Variants in ZBBX observed in about 807,000 individuals in gnomAD.
ZBBX encodes the protein zinc finger B-box domain-containing protein 1.
Under a neutral mutation model 108.5 loss-of-function variants are expected in ZBBX, and 101 were observed. The ratio of observed to expected loss-of-function variants is 0.93; its 90% CI spans 0.79 to 1.10. ZBBX has a LOEUF of 1.10. Among genes scored for constraint, ZBBX ranks in the 50% least tolerant of loss-of-function variants. ZBBX has a pLI of 0.00. For missense variants in ZBBX, 1,009 were observed against 941.4 expected, an observed-to-expected ratio of 1.07 and a Z score of -0.94; for synonymous variants, 356 against 323.4, an observed-to-expected ratio of 1.10 and a Z score of -1.08.
intron 1 of ZBBX, among the ~76,000 whole-genome samples, chr3:167,397,771 A>C (rs903751803): frequency 6.6e-6 from 1 of 151,890 alleles, no homozygotes; most frequent in Non-Finnish European, 1.5e-5. Flanking sequence ...TTCAAAAGGA[A>C]AAATGTCCTG....
At chr3:167,191,376 G>T in the ZBBX span, among the ~76,000 whole-genome samples, 4 of 152,220 alleles carry the variant, frequency 2.6e-5, no homozygotes, top group East Asian at 7.7e-4. Context: ...TCTTTTCTCT[G>T]ATACGGTTTG....
At chr3:167,201,272 T>C in the ZBBX span, among the ~76,000 whole-genome samples, 1 of 152,086 alleles carries the variant, frequency 6.6e-6, no homozygotes, top group South Asian at 2.1e-4. Flanking sequence ...TAGGTAGGAG[T>C]AGATTGAGAA....
chr3:167,272,835 G>C (rs1237522501), intron 20 of ZBBX, among the ~76,000 whole-genome samples: 1 of 152,144 alleles, frequency 6.6e-6, no homozygotes, highest in African/African-American at 2.4e-5. Flanking sequence ...ATGATGTCCT[G>C]TGGAAAACCG....
chr3:167,222,815 G>C, the ZBBX span, among the ~76,000 whole-genome samples: 1 of 151,154 alleles, frequency 6.6e-6, no homozygotes, highest in East Asian at 2.0e-4. Flanking sequence ...GGGCTAGTGG[G>C]ATAGAGAGAG....
chr3:167,347,907 T>C lies in ZBBX; in HGVS notation c.528+2513A>G, dbSNP rs1267986282. ...TATTGTATTTAACTTTAAATTTATATACATAAAAGAATCCCAATATTTGAA... is the reference window on the plus strand; with the variant it reads ...TATTGTATTTAACTTTAAATTTATACACATAAAAGAATCCCAATATTTGAA... On this transcript the variant is annotated intron_variant, in intron 9 of 21. Coordinates refer to ENST00000675490, the MANE Select transcript of ZBBX (RefSeq NM_001199201.2). Among the ~76,000 whole-genome samples, 5 of 152,188 alleles carry C rather than the reference T, an allele frequency of 3.3e-5. 1 individual carries two copies. The highest frequency in any genetic ancestry group is 1.2e-4 in the African/African-American group (5 of 41,560).
chr3:167,288,783 G>T, intron 19 of ZBBX, 84 bp downstream of exon 19: 1 of 657,006 alleles, frequency 1.5e-6, no homozygotes, highest in Non-Finnish European at 2.3e-6. Context: ...CTAAATTGCA[G>T]GTGCCTACTA....
chr3:167,363,329 C>T (rs1042576743), intron 6 of ZBBX, among the ~76,000 whole-genome samples: 1 of 152,066 alleles, frequency 6.6e-6, no homozygotes, highest in Non-Finnish European at 1.5e-5. Context: ...TTCCCAAGAA[C>T]TCAAATTCAT....
At chr3:167,360,605 T>G in intron 7 of ZBBX, 70 bp downstream of exon 7, 1 of 933,890 alleles carries the variant, frequency 1.1e-6, no homozygotes, top group Non-Finnish European at 1.5e-6. Flanking sequence ...AACTTTAACT[T>G]TATTTGTAAT....
chr3:167,402,504 C>T (rs1748456364), intron 1 of ZBBX, among the ~76,000 whole-genome samples: 2 of 152,064 alleles, frequency 1.3e-5, no homozygotes, highest in South Asian at 4.1e-4. Flanking sequence ...AGTGTTAATC[C>T]TCTAACCCTA....
intron 20 of ZBBX, among the ~76,000 whole-genome samples, chr3:167,274,118 A>C (rs1236036553): frequency 6.6e-6 from 1 of 152,218 alleles, no homozygotes; most frequent in Non-Finnish European, 1.5e-5. Context: ...TTGTACCTTT[A>C]TCCCAAACAA....
Position 167,372,920 on chromosome 3 carries a change from G to T in ZBBX, c.-19C>A. The T allele has an allele frequency of 2.6e-6, 4 of 1,565,646 alleles. No individual in the cohort carries two copies. Among genetic ancestry groups the T allele is most frequent in the Non-Finnish European group, 3.5e-6 (4 of 1,157,748 alleles). On this transcript the variant is annotated 5_prime_UTR_variant, in exon 4 of 22. Coordinates refer to ENST00000675490, the MANE Select transcript of ZBBX (RefSeq NM_001199201.2). The stretch of plus-strand genomic sequence containing the variant: ...TGTTCATGATTACCACCTTAATATT[G>T]TCTAAAAGTTATTCTGATTTGTAAA...
At chr3:167,239,344 G>A (rs546972164), downstream of ZBBX, among the ~76,000 whole-genome samples, 1 of 151,952 alleles carries the variant, frequency 6.6e-6, no homozygotes, top group East Asian at 1.9e-4. Context: ...GAATATAATT[G>A]ACCCTTGAAA....
intron 19 of ZBBX, among the ~76,000 whole-genome samples, chr3:167,284,486 CTT>C (rs1325539254): frequency 1.3e-5 from 2 of 152,050 alleles, no homozygotes; most frequent in Non-Finnish European, 2.9e-5. Context: ...ATTCACAACT[CTT>C]TAAAAAAACA....
At chr3:167,300,609 C>CT (rs59816017) in intron 17 of ZBBX, among the ~76,000 whole-genome samples, 1,852 of 141,758 alleles carry the variant, frequency 0.013, 20 homozygotes, top group African/African-American at 0.02. Context: ...CCCACCAACC[C>CT]TTTTTTTTTT....
the ZBBX span, among the ~76,000 whole-genome samples, chr3:167,232,431 A>G: frequency 6.6e-6 from 1 of 151,812 alleles, no homozygotes; most frequent in African/African-American, 2.4e-5. Flanking sequence ...TTCTATTATC[A>G]TTATCACTTA....
At chr3:167,356,264 T>G (rs1743556617) in intron 8 of ZBBX, among the ~76,000 whole-genome samples, 2 of 152,090 alleles carry the variant, frequency 1.3e-5, no homozygotes, top group Non-Finnish European at 2.9e-5. Context: ...TTTTTAAGAT[T>G]CCTTAAATTA....
chr3:167,183,813 C>A, the ZBBX span, among the ~76,000 whole-genome samples: 1 of 152,144 alleles, frequency 6.6e-6, no homozygotes, highest in African/African-American at 2.4e-5. Context: ...GGCATCATAG[C>A]CATCATGAGC....
chr3:167,275,937 C>G (rs557987733), intron 20 of ZBBX, among the ~76,000 whole-genome samples: 1 of 152,130 alleles, frequency 6.6e-6, no homozygotes, highest in Non-Finnish European at 1.5e-5. Flanking sequence ...GATCTGAGAA[C>G]GGGCAGACTG....
chr3:167,231,286 A>T, the ZBBX span, among the ~76,000 whole-genome samples: 1 of 151,830 alleles, frequency 6.6e-6, no homozygotes, highest in East Asian at 1.9e-4. Flanking sequence ...CAATAGTCAG[A>T]GGCTGTAAAA....
Sources: gnomAD v4.1 joint callset for allele counts (sites outside exome capture counted in the v4.1 genomes callset) on GRCh38, gnomAD v4.1.1 for gene constraint, MANE v1.5 for transcripts, NCBI Gene and HGNC (gene_info 2026-07-23, HGNC 2026-07-21) for gene names.